The following PPP2R2B variants were observed in gnomAD, a reference collection of about 807,000 sequenced individuals.
PPP2R2B encodes the protein serine/threonine-protein phosphatase 2A 55 kDa regulatory subunit B beta isoform.
Under a neutral mutation model 46.0 loss-of-function variants are expected in PPP2R2B, and 5 were observed. That is an observed-to-expected ratio of 0.11 (90% CI 0.06 to 0.23). The LOEUF is 0.23. Among genes scored for constraint, PPP2R2B ranks in the 10% least tolerant of loss-of-function variants. The pLI, the probability that PPP2R2B is intolerant of heterozygous loss-of-function variation, is 1.00. For synonymous variants in PPP2R2B, 215 were observed against 206.7 expected (o/e 1.04, Z -0.34); for missense variants, 367 against 575.0 (o/e 0.64, Z 3.70).
At chr5:146,973,279 G>A (rs1414146678) in intron 1 of PPP2R2B, among the ~76,000 whole-genome samples, 2 of 152,208 alleles carry the variant, frequency 1.3e-5, no homozygotes, top group Admixed American at 6.5e-5. Context: ...AGGGGCTTCA[G>A]CCCTGGACAA....
chr5:146,634,610 C>G (rs1426032563), intron 7 of PPP2R2B, among the ~76,000 whole-genome samples: 1 of 152,126 alleles, frequency 6.6e-6, no homozygotes, highest in Admixed American at 6.5e-5. Context: ...GCTGGGATTA[C>G]CTGTGTGAGC....
chr5:146,637,772 T>C (rs452454), intron 7 of PPP2R2B, among the ~76,000 whole-genome samples: 31,510 of 152,098 alleles, frequency 0.21, 4,702 homozygotes, highest in African/African-American at 0.42. Flanking sequence ...CAGCCTCCCA[T>C]GCAGTTCAGC....
At chr5:146,966,753 A>G (rs1338637909) in intron 1 of PPP2R2B, among the ~76,000 whole-genome samples, 2 of 152,160 alleles carry the variant, frequency 1.3e-5, no homozygotes, top group African/African-American at 4.8e-5. Context: ...TATAGCATAA[A>G]AAATCAATGA....
At chr5:147,066,164 T>C (rs745924490) in intron 2 of PPP2R2B, among the ~76,000 whole-genome samples, 2 of 152,224 alleles carry the variant, frequency 1.3e-5, no homozygotes, top group African/African-American at 2.4e-5. Context: ...ATGATAGTTT[T>C]GGAGGAACCA....
chr5:146,964,069 G>A (rs1419232671), intron 1 of PPP2R2B, among the ~76,000 whole-genome samples: 1 of 152,154 alleles, frequency 6.6e-6, no homozygotes, highest in Non-Finnish European at 1.5e-5. Context: ...CTGGACACTG[G>A]GGTTCAAAGA....
Position 146,692,830 on chromosome 5 carries a change from G to A in PPP2R2B, c.335-1590C>T, listed in dbSNP as rs139976556. The stretch of plus-strand genomic sequence containing the variant: ...ATTACAGGCGGGAGCCACCACACCC[G>A]GCCTAATTCAATTATTTAAGGAGAC... On this transcript the variant is annotated intron_variant, in intron 4 of 9. Transcript: ENST00000394411. Among the ~76,000 whole-genome samples, 90 of 152,168 alleles carry A rather than the reference G, an allele frequency of 5.9e-4. 1 individual carries two copies. In the South Asian group the frequency reaches 0.018, roughly 30 times the overall value.
chr5:146,810,958 G>A (rs1310892050), intron 2 of PPP2R2B, among the ~76,000 whole-genome samples: 1 of 143,882 alleles, frequency 7.0e-6, no homozygotes, highest in Non-Finnish European at 1.5e-5. Context: ...CCACCTATGA[G>A]TGAGAACATG....
At chr5:146,813,551 C>T (rs28396701) in intron 2 of PPP2R2B, among the ~76,000 whole-genome samples, 21,400 of 152,158 alleles carry the variant, frequency 0.14, 1,920 homozygotes, top group East Asian at 0.42. Context: ...TGGCAGCTGT[C>T]CGGGTCCTCA....
intron 2 of PPP2R2B, among the ~76,000 whole-genome samples, chr5:146,866,468 A>G (rs561405865): frequency 3.3e-5 from 5 of 152,296 alleles, no homozygotes; most frequent in African/African-American, 1.2e-4. Flanking sequence ...TCACTCCATA[A>G]GTGTGTAATG....
intron 1 of PPP2R2B, among the ~76,000 whole-genome samples, chr5:146,984,977 A>G (rs889190881): frequency 3.4e-5 from 5 of 148,052 alleles, no homozygotes; most frequent in African/African-American, 1.2e-4. Context: ...TGGGATATTA[A>G]CCCTTTATCA....
At chr5:146,798,656 A>C (rs1027185596) in intron 2 of PPP2R2B, among the ~76,000 whole-genome samples, 27 of 152,228 alleles carry the variant, frequency 1.8e-4, no homozygotes, top group African/African-American at 6.5e-4. Context: ...CAAAATTATC[A>C]ACAGTAGCAA....
chr5:146,697,842 G>T, intron 4 of PPP2R2B, 137 bp downstream of exon 4: 1 of 787,342 alleles, frequency 1.3e-6, no homozygotes, highest in Non-Finnish European at 1.9e-6. Flanking sequence ...CAGGCACTCT[G>T]CTAAGCATCT....
chr5:147,051,750 T>G (rs1268240699), intron 1 of PPP2R2B, among the ~76,000 whole-genome samples: 1 of 146,258 alleles, frequency 6.8e-6, no homozygotes, highest in Non-Finnish European at 1.5e-5. Context: ...TCTGTTTTGC[T>G]TCCTTTTTTT....
chr5:146,766,316 GAA>G (rs1002188896), intron 2 of PPP2R2B, among the ~76,000 whole-genome samples: 19 of 152,208 alleles, frequency 1.2e-4, no homozygotes, highest in African/African-American at 3.9e-4. Context: ...AAAAAAAAGA[GAA>G]AATGTCTCTA....
chr5:147,050,741 G>A (rs1332002408), intron 1 of PPP2R2B, among the ~76,000 whole-genome samples: 1 of 151,916 alleles, frequency 6.6e-6, no homozygotes, highest in African/African-American at 2.4e-5. Context: ...CTAGCAAATA[G>A]TATGCATCCT....
At chr5:146,760,571 A>T (rs1582040118) in intron 2 of PPP2R2B, among the ~76,000 whole-genome samples, 1 of 152,322 alleles carries the variant, frequency 6.6e-6, no homozygotes, top group East Asian at 1.9e-4. Context: ...AACAATTTAA[A>T]GCAAATATGC....
intron 2 of PPP2R2B, among the ~76,000 whole-genome samples, chr5:146,750,351 T>C (rs1345003020): frequency 1.3e-5 from 2 of 152,244 alleles, no homozygotes; most frequent in Non-Finnish European, 2.9e-5. Flanking sequence ...GGGATTTTGA[T>C]AGCAATCACA....
In PPP2R2B at chr5:146,593,809, T is replaced by C. The variant is rs117908345; in HGVS notation, c.961-747A>G. 1.5e-3 allele frequency among the ~76,000 whole-genome samples: 235 copies of C among 152,314 alleles called. 1 individual carries two copies. In the South Asian group the frequency reaches 0.031, roughly 20 times the overall value. On this transcript the variant is annotated intron_variant, in intron 8 of 9. Transcript: ENST00000394411. ...TGGGGGAGAGGATGATCAGTTTACA[T>C]AGGCCCTTTATTCTGAGGAAGAAGA...
chr5:146,939,061 T>C (rs927559744), intron 1 of PPP2R2B, among the ~76,000 whole-genome samples: 2 of 152,084 alleles, frequency 1.3e-5, no homozygotes, highest in African/African-American at 4.8e-5. Context: ...CATGTGAATA[T>C]TGGAAAATTA....
Sources: allele counts gnomAD v4.1 joint callset (sites outside exome capture counted in the v4.1 genomes callset), GRCh38; gene constraint gnomAD v4.1.1; transcripts MANE v1.5; gene names NCBI Gene and HGNC (gene_info 2026-07-23, HGNC 2026-07-21).